The following COL23A1 variants were observed in gnomAD, a reference collection of about 807,000 sequenced individuals.
COL23A1 encodes the protein collagen type XXIII alpha 1 chain.
A neutral mutation model predicts 99.3 loss-of-function variants in COL23A1; 97 were observed. The observed-to-expected ratio is 0.98, with a 90% CI of 0.83 to 1.16. The LOEUF (loss-of-function observed/expected upper bound fraction) is 1.16. COL23A1 is among the 50% of genes most tolerant of loss of function. The pLI is 0.00. For synonymous variants in COL23A1, 320 were observed against 308.2 expected (o/e 1.04, Z -0.40); for missense variants, 762 against 757.4 (o/e 1.01, Z -0.07).
chr5:178,438,221 T>G (rs868421577), intron 2 of COL23A1, among the ~76,000 whole-genome samples: 36 of 152,348 alleles, frequency 2.4e-4, no homozygotes, highest in African/African-American at 8.4e-4. Flanking sequence ...AGTCCAACTT[T>G]ACAATATCAA....
At chr5:178,561,920 G>A in intron 1 of COL23A1, 1 of 332,576 alleles carries the variant, frequency 3.0e-6, no homozygotes, top group Non-Finnish European at 6.0e-6. Flanking sequence ...CCAGCCACCG[G>A]AAAGGCGCTT....
rs1762492409 is a variant in COL23A1, at chr5:178,366,585, C to T, written c.362-59666G>A. ...GATCACCCGCCCTGCGAAAATGTGTCGGTGATCACTGTGACTAGAACAAGT... is the reference window on the plus strand; with the variant it reads ...GATCACCCGCCCTGCGAAAATGTGTTGGTGATCACTGTGACTAGAACAAGT... On this transcript the variant is annotated intron_variant, in intron 2 of 28. Transcript: ENST00000390654. This position sits in a 1 kb window ranked among gnomAD's most constrained non-coding sequence, Gnocchi z 4.4. Among the ~76,000 whole-genome samples the T allele has an allele frequency of 6.6e-6, 1 of 152,280 alleles. No individual in the cohort carries two copies. The highest frequency in any genetic ancestry group is 1.5e-5 in the Non-Finnish European group (1 of 68,018).
At chr5:178,523,201 T>TATATATATATATATATAGAGAGAGAGAG (rs1223542330) in intron 2 of COL23A1, among the ~76,000 whole-genome samples, 7 of 77,612 alleles carry the variant, frequency 9.0e-5, no homozygotes, top group Admixed American at 5.6e-4. Context: ...TATATATATA[T>TATATATATATATATATAGAGAGAGAGAG]AGAGAGAGAG....
chr5:178,438,354 T>C (rs958887963), intron 2 of COL23A1, among the ~76,000 whole-genome samples: 1 of 152,262 alleles, frequency 6.6e-6, no homozygotes, highest in African/African-American at 2.4e-5. Context: ...GGAGCTATCA[T>C]ATTGTTTATT....
intron 2 of COL23A1, among the ~76,000 whole-genome samples, chr5:178,447,841 T>G (rs1385223956): frequency 6.6e-6 from 1 of 152,126 alleles, no homozygotes; most frequent in African/African-American, 2.4e-5. Flanking sequence ...CTGCCTAGGC[T>G]GGCAGGGACC....
At chr5:178,456,032 TTGG>T (rs1767771766) in intron 2 of COL23A1, among the ~76,000 whole-genome samples, 1 of 152,232 alleles carries the variant, frequency 6.6e-6, no homozygotes, top group East Asian at 1.9e-4. Flanking sequence ...AAATGGGCAC[TTGG>T]TGCAGATTTT....
At chr5:178,319,357 C>T (rs1027492514) in intron 2 of COL23A1, among the ~76,000 whole-genome samples, 3 of 152,160 alleles carry the variant, frequency 2.0e-5, no homozygotes, top group African/African-American at 4.8e-5. Flanking sequence ...CTGAACTTAA[C>T]GAAGGCCAGG....
At chr5:178,341,154 A>T (rs185650002) in intron 2 of COL23A1, among the ~76,000 whole-genome samples, 1 of 152,334 alleles carries the variant, frequency 6.6e-6, no homozygotes, top group East Asian at 1.9e-4. Context: ...TTATTGAGAC[A>T]GGGTCTCTGT....
At chr5:178,262,126 C>T (rs1326038878) in intron 10 of COL23A1, 91 bp downstream of exon 10, 1 of 1,360,218 alleles carries the variant, frequency 7.4e-7, no homozygotes, top group African/African-American at 1.5e-5. Flanking sequence ...GTGCGCGTGA[C>T]CCTGCTGTCG....
At chr5:178,363,940 T>C (rs2127708514) in intron 2 of COL23A1, among the ~76,000 whole-genome samples, 1 of 152,308 alleles carries the variant, frequency 6.6e-6, no homozygotes, top group African/African-American at 2.4e-5. Flanking sequence ...CAGCACCTGC[T>C]ATGTGGGAGA....
At chr5:178,357,782 GTA>G (rs1166038578) in intron 2 of COL23A1, among the ~76,000 whole-genome samples, 42 of 140,436 alleles carry the variant, frequency 3.0e-4, no homozygotes, top group African/African-American at 9.4e-4. Context: ...GTGTGTATGT[GTA>G]TGTGTGTGTG....
chr5:178,501,922 C>T (rs890564883), intron 2 of COL23A1, among the ~76,000 whole-genome samples: 3 of 152,214 alleles, frequency 2.0e-5, no homozygotes, highest in Admixed American at 6.5e-5. Context: ...CGGCACCCAC[C>T]CTTCCCCTAC....
At chr5:178,338,116 T>G (rs73346820) in intron 2 of COL23A1, among the ~76,000 whole-genome samples, 5,422 of 152,250 alleles carry the variant, frequency 0.036, 116 homozygotes, top group African/African-American at 0.06. Flanking sequence ...AACTGACCCA[T>G]GCGGTCTGAC....
At chr5:178,423,833 C>T (rs148491033) in intron 2 of COL23A1, among the ~76,000 whole-genome samples, 4 of 152,280 alleles carry the variant, frequency 2.6e-5, no homozygotes, top group Non-Finnish European at 5.9e-5. Flanking sequence ...GACGCTGTGC[C>T]TCACAATAAT....
chr5:178,277,591 C>G (rs4976755), intron 5 of COL23A1, among the ~76,000 whole-genome samples: 24,380 of 152,222 alleles, frequency 0.16, 2,418 homozygotes, highest in East Asian at 0.41. Context: ...TAACCCTTGG[C>G]CTAGAAAGTC....
At chr5:178,383,850 A>G (rs952902091) in intron 2 of COL23A1, among the ~76,000 whole-genome samples, 3 of 151,742 alleles carry the variant, frequency 2.0e-5, no homozygotes, top group Non-Finnish European at 1.5e-5. Flanking sequence ...CACGCTGGAC[A>G]TGGTAAAAGC....
chr5:178,377,614 C>G (rs2127731123), intron 2 of COL23A1, among the ~76,000 whole-genome samples: 1 of 152,322 alleles, frequency 6.6e-6, no homozygotes. Context: ...AACCCCATCT[C>G]CAAGGCGGTG....
intron 2 of COL23A1, among the ~76,000 whole-genome samples, chr5:178,533,167 A>G (rs1760744432): frequency 6.6e-6 from 1 of 152,244 alleles, no homozygotes; most frequent in Non-Finnish European, 1.5e-5. Flanking sequence ...GAGGCTGTAC[A>G]GATGAAACTA....
intron 2 of COL23A1, among the ~76,000 whole-genome samples, chr5:178,331,677 C>T (rs566142742): frequency 4.7e-4 from 72 of 152,306 alleles, no homozygotes; most frequent in African/African-American, 1.6e-3. Flanking sequence ...ATGCGCCTGG[C>T]TTCTGGGTTA....
Sources: allele counts gnomAD v4.1 joint callset (sites outside exome capture counted in the v4.1 genomes callset), GRCh38; gene constraint gnomAD v4.1.1; non-coding constraint Gnocchi (gnomAD v3.1); transcripts MANE v1.5; gene names NCBI Gene and HGNC (gene_info 2026-07-23, HGNC 2026-07-21).